Variants in ZMYND11 observed in about 807,000 individuals in gnomAD.
ZMYND11 encodes the protein zinc finger MYND domain-containing protein 11.
Under a neutral mutation model 84.9 loss-of-function variants are expected in ZMYND11, and 9 were observed. The observed-to-expected ratio is 0.11, with a 90% CI of 0.06 to 0.18. ZMYND11 has a LOEUF of 0.18. ZMYND11 is among the 10% of genes least tolerant of loss of function. The pLI, the probability that ZMYND11 is intolerant of heterozygous loss-of-function variation, is 1.00. For synonymous variants in ZMYND11, 250 were observed against 244.1 expected, an observed-to-expected ratio of 1.02 and a Z score of -0.23; for missense variants, 409 against 761.0, an observed-to-expected ratio of 0.54 and a Z score of 5.44.
intron 1 of ZMYND11, among the ~76,000 whole-genome samples, chr10:138,254 C>T (rs1205882944): frequency 2.0e-5 from 3 of 148,746 alleles, no homozygotes; most frequent in Non-Finnish European, 3.0e-5. Context: ...GTACTACAGG[C>T]ATGTGCCACC....
chr10:185,309 G>A (rs1937934022), intron 2 of ZMYND11, among the ~76,000 whole-genome samples: 1 of 151,928 alleles, frequency 6.6e-6, no homozygotes, highest in East Asian at 1.9e-4. Flanking sequence ...GTTCTCACCT[G>A]CTCAAATTTT....
chr10:253,716 A>C lies in ZMYND11; in HGVS notation c.*1246A>C, dbSNP rs182388854. The C allele has an allele frequency of 3.3e-5, 5 of 152,788 alleles. No homozygotes were observed. In the East Asian group the frequency reaches 9.6e-4, roughly 29 times the overall value. 9.5% of individuals were successfully genotyped at this position (152,788 alleles called of 1,614,324 possible). A position where few individuals can be genotyped will look rare whatever the true frequency, so the allele number is the denominator to read the frequency against. ...TTAAAGACTGATCTTAGACCAAGTC[A>C]AATTCCCATTTATCATTTAGTTATT... is the stretch of plus-strand genomic sequence containing the variant. On this transcript the variant is annotated 3_prime_UTR_variant, in exon 15 of 15. Coordinates refer to ENST00000381604, the MANE Select transcript of ZMYND11 (RefSeq NM_001370100.5).
chr10:214,450 A>C (rs1945808562), intron 3 of ZMYND11, among the ~76,000 whole-genome samples: 1 of 152,102 alleles, frequency 6.6e-6, no homozygotes, highest in African/African-American at 2.4e-5. Context: ...TAAGAAAGTA[A>C]ATGCATAAAA....
intron 10 of ZMYND11, among the ~76,000 whole-genome samples, chr10:246,097 T>G (rs1049900134): frequency 6.6e-6 from 1 of 152,172 alleles, no homozygotes; most frequent in African/African-American, 2.4e-5. Flanking sequence ...AAGTGTTCTT[T>G]CCAACAGAAG....
intron 2 of ZMYND11, among the ~76,000 whole-genome samples, chr10:180,765 G>A (rs931635261): frequency 2.0e-5 from 3 of 152,152 alleles, no homozygotes; most frequent in African/African-American, 7.2e-5. Flanking sequence ...TCTAAAAACA[G>A]TCTACTGTTT....
At chr10:196,898 C>A (rs12411307) in intron 2 of ZMYND11, among the ~76,000 whole-genome samples, 38,769 of 151,914 alleles carry the variant, frequency 0.26, 5,342 homozygotes, top group East Asian at 0.46. Context: ...TGCAACAGTC[C>A]AGGAAGCACA....
chr10:202,096 G>A (rs1034364124), intron 2 of ZMYND11, among the ~76,000 whole-genome samples: 4 of 152,124 alleles, frequency 2.6e-5, no homozygotes, highest in African/African-American at 9.7e-5. Flanking sequence ...CTAAGAAAAT[G>A]AATAATGAAT....
rs185453897 is a variant in ZMYND11 at position 217,597 on chromosome 10, A to G, written c.277-3598A>G. On this transcript the variant is annotated intron_variant, in intron 3 of 14. Transcript: ENST00000381604. ...CTAGCAAAGAAATGTGCACACATATATAATTATAAGCATGTTCTATCATTT... is the reference window on the plus strand; with the variant it reads ...CTAGCAAAGAAATGTGCACACATATGTAATTATAAGCATGTTCTATCATTT... Among the ~76,000 whole-genome samples the G allele has an allele frequency of 3.3e-3, 495 of 152,196 alleles. 5 individuals are homozygous for G. Among genetic ancestry groups the G allele is most frequent in the African/African-American group, 0.011 (449 of 41,526 alleles).
At chr10:159,820 A>AT (rs1554761030) in intron 1 of ZMYND11, among the ~76,000 whole-genome samples, 1 of 152,114 alleles carries the variant, frequency 6.6e-6, no homozygotes, top group African/African-American at 2.4e-5. Flanking sequence ...GAATCTACTC[A>AT]TATTTTCATC....
Position 246,762 on chromosome 10 carries a change from C to T in ZMYND11, c.951-4C>T. 5 of 1,613,928 alleles carry T rather than the reference C, an allele frequency of 3.1e-6. No individual in the cohort carries two copies. The highest frequency in any genetic ancestry group is 3.3e-4 in the Middle Eastern group (2 of 6,062). ...CTAACTATACCTTTATGTGTTTTTC[C>T]TAGGGCCTGGATTCCTTCTGAAAAC... On this transcript the variant is annotated splice_polypyrimidine_tract_variant and splice_region_variant and intron_variant, in intron 10 of 14. Transcript: ENST00000381604.
chr10:162,058 A>T (rs1295037698), intron 1 of ZMYND11, among the ~76,000 whole-genome samples: 1 of 152,178 alleles, frequency 6.6e-6, no homozygotes, highest in African/African-American at 2.4e-5. Flanking sequence ...ACTTAAAGTG[A>T]GAGAGATGTG....
At chr10:199,314 CCTCCCTCCCTCCCTCT>C (rs1942560112) in intron 2 of ZMYND11, among the ~76,000 whole-genome samples, 1 of 2,078 alleles carries the variant, frequency 4.8e-4, no homozygotes, top group Non-Finnish European at 6.8e-3. Flanking sequence ...TCTCTTCCTC[CCTCCCTCCCTCCCTCT>C]CTCCCTCCGT....
intron 14 of ZMYND11, 23 bp downstream of exon 14, chr10:249,111 C>A: frequency 1.9e-6 from 3 of 1,613,684 alleles, no homozygotes; most frequent in East Asian, 2.2e-5. Flanking sequence ...CTTTTTTAGA[C>A]CCTTATTTCT....
At chr10:241,887 C>A (rs1246326656) in intron 9 of ZMYND11, 134 bp from the exon 10 acceptor site, 2 of 1,105,852 alleles carry the variant, frequency 1.8e-6, no homozygotes, top group African/African-American at 1.6e-5. Flanking sequence ...GAAAAAAAAT[C>A]TCGTATGTGT....
chr10:251,045 C>T (rs1953377940), intron 14 of ZMYND11, among the ~76,000 whole-genome samples: 1 of 152,130 alleles, frequency 6.6e-6, no homozygotes, highest in South Asian at 2.1e-4. Flanking sequence ...ATTCTTTCTT[C>T]CCAATTACAT....
chr10:169,018 C>T (rs897894044), intron 1 of ZMYND11, among the ~76,000 whole-genome samples: 10 of 152,040 alleles, frequency 6.6e-5, no homozygotes, highest in African/African-American at 2.2e-4. Flanking sequence ...CTTCTTGGAG[C>T]GGGAGGGGGA....
chr10:200,387 AATAT>A (rs896054227), intron 2 of ZMYND11, among the ~76,000 whole-genome samples: 2 of 146,610 alleles, frequency 1.4e-5, no homozygotes, highest in African/African-American at 5.0e-5. Context: ...TATATATAAC[AATAT>A]ATATTATATA....
At chr10:239,568 C>T in intron 7 of ZMYND11, 43 bp downstream of exon 7, 1 of 1,292,962 alleles carries the variant, frequency 7.7e-7, no homozygotes, top group Non-Finnish European at 1.1e-6. Context: ...TTAAACACAC[C>T]ATTTACATTC....
chr10:163,393 C>T (rs1554762634), intron 1 of ZMYND11, among the ~76,000 whole-genome samples: 1 of 151,930 alleles, frequency 6.6e-6, no homozygotes, highest in Non-Finnish European at 1.5e-5. Context: ...TTTTTCCTTC[C>T]ATTTTATTAT....
Sources: allele counts gnomAD v4.1 joint callset (sites outside exome capture counted in the v4.1 genomes callset), GRCh38; gene constraint gnomAD v4.1.1; transcripts MANE v1.5; gene names NCBI Gene and HGNC (gene_info 2026-07-23, HGNC 2026-07-21).